The following SHPRH variants were observed in gnomAD, a reference collection of about 807,000 sequenced individuals.
SHPRH encodes the protein SNF2 histone linker PHD RING helicase.
A neutral mutation model predicts 202.5 loss-of-function variants in SHPRH; 106 were observed. The ratio of observed to expected loss-of-function variants is 0.52; its 90% CI spans 0.45 to 0.62. SHPRH has a LOEUF of 0.62. Ranked by LOEUF, SHPRH falls within the 20% of genes least tolerant of loss-of-function variation. SHPRH has a pLI of 0.00. For missense variants in SHPRH, 1,710 were observed against 2,020.0 expected (o/e 0.85, Z 2.94); for synonymous variants, 729 against 686.0 (o/e 1.06, Z -0.98).
intron 2 of SHPRH, chr6:145,878,058 G>C (rs1455918234): frequency 6.6e-6 from 1 of 152,160 alleles, no homozygotes. Context: ...ATTTGACTCA[G>C]AATAAATCTC....
intron 2 of SHPRH, among the ~76,000 whole-genome samples, chr6:145,868,972 G>T (rs1779929423): frequency 6.6e-6 from 1 of 152,134 alleles, no homozygotes; most frequent in Non-Finnish European, 1.5e-5. Context: ...ATAAGAAACT[G>T]CTAGACTGTC....
chr6:145,927,947 G>A (rs1041410173), intron 14 of SHPRH, among the ~76,000 whole-genome samples: 1 of 151,888 alleles, frequency 6.6e-6, no homozygotes, highest in Non-Finnish European at 1.5e-5. Context: ...TTAAAGCACA[G>A]TCTGGCAAAG....
At chr6:145,930,772 T>C (rs983656060) in intron 14 of SHPRH, among the ~76,000 whole-genome samples, 1 of 152,212 alleles carries the variant, frequency 6.6e-6, no homozygotes, top group African/African-American at 2.4e-5. Flanking sequence ...CCCTCACTTA[T>C]TTTTTACTTA....
At chr6:145,954,205 G>A (rs1035554474) in intron 2 of SHPRH, among the ~76,000 whole-genome samples, 1 of 151,962 alleles carries the variant, frequency 6.6e-6, no homozygotes, top group African/African-American at 2.4e-5. Context: ...GGTATATGGA[G>A]AAAATAAATC....
At chr6:145,915,255 C>T (rs1198077312) in intron 23 of SHPRH, among the ~76,000 whole-genome samples, 1 of 150,042 alleles carries the variant, frequency 6.7e-6, no homozygotes, top group Admixed American at 6.7e-5. Context: ...CTCTGCTTAC[C>T]TCTTTCCTTT....
intron 7 of SHPRH, among the ~76,000 whole-genome samples, chr6:145,945,899 TAAAAG>T (rs1402043357): frequency 1.3e-5 from 2 of 152,080 alleles, no homozygotes; most frequent in African/African-American, 4.8e-5. Flanking sequence ...TTCAAAATTA[TAAAAG>T]AAAACTCTCA....
Position 145,950,429 on chromosome 6 carries a change from T to C in SHPRH, c.817A>G (p.Ile273Val). The stretch of plus-strand genomic sequence containing the variant: ...TTCACAAAGTGATACAGCTCGTCAA[T>C]GTCTTGTCCCTCTGGCTCACTCTCC... ...DPESEPEGQD[I>V]DELYHFVKQT... The change falls in exon 4 of 30, where the codon ATT becomes GTT. Residue 273 changes from isoleucine (I) to valine (V), a missense_variant. Around this residue, in one of 8 missense-constraint regions of SHPRH, gnomAD observed 459 missense variants for 426.5 expected, o/e 1.08. Transcript: ENST00000275233. The C allele has an allele frequency of 6.2e-7, 1 of 1,613,268 alleles. No homozygotes were observed. The highest frequency in any genetic ancestry group is 8.5e-7 in the Non-Finnish European group (1 of 1,179,392).
downstream of SHPRH, among the ~76,000 whole-genome samples, chr6:145,860,953 C>T (rs1219512326): frequency 6.6e-6 from 1 of 151,824 alleles, no homozygotes; most frequent in Non-Finnish European, 1.5e-5. Context: ...ACATGTAAAG[C>T]ATGAAAGTGG....
At chr6:145,893,574 T>C (rs992979903) in intron 27 of SHPRH, among the ~76,000 whole-genome samples, 181 bp from the exon 28 acceptor site, 1 of 152,172 alleles carries the variant, frequency 6.6e-6, no homozygotes, top group Non-Finnish European at 1.5e-5. Flanking sequence ...ATTTTAATTA[T>C]GAAGAAAAGT....
At chr6:145,902,764 T>C (rs1391563463) in intron 25 of SHPRH, among the ~76,000 whole-genome samples, 3 of 152,128 alleles carry the variant, frequency 2.0e-5, no homozygotes, top group Non-Finnish European at 2.9e-5. Flanking sequence ...TATCCATCCA[T>C]GCATTCAAAT....
intron 2 of SHPRH, among the ~76,000 whole-genome samples, chr6:145,867,621 T>G (rs1231142209): frequency 1.5e-3 from 104 of 69,968 alleles, no homozygotes; most frequent in Non-Finnish European, 2.0e-3. Context: ...TATATATATA[T>G]ATATATATAT....
intron 11 of SHPRH, among the ~76,000 whole-genome samples, chr6:145,938,041 G>A (rs1786307687): frequency 6.6e-6 from 1 of 152,132 alleles, no homozygotes; most frequent in African/African-American, 2.4e-5. Flanking sequence ...CAATAGATAA[G>A]GGATCGTATG....
chr6:145,896,783 T>C (rs180850880), intron 25 of SHPRH, among the ~76,000 whole-genome samples: 8 of 152,188 alleles, frequency 5.3e-5, no homozygotes, highest in East Asian at 1.9e-4. Flanking sequence ...TTAAATAACA[T>C]GCTCTTGAAC....
At chr6:145,904,404 T>C (rs1782765220) in intron 25 of SHPRH, 1 of 152,138 alleles carries the variant, frequency 6.6e-6, no homozygotes, top group Non-Finnish European at 1.5e-5. Context: ...TTCTAAAATT[T>C]GAAAATAATG....
intron 8 of SHPRH, 74 bp downstream of exon 8, chr6:145,945,307 T>A: frequency 6.9e-7 from 1 of 1,444,606 alleles, no homozygotes; most frequent in Non-Finnish European, 9.2e-7. Flanking sequence ...AGTTTCAAGG[T>A]GGGATCTGTC....
intron 10 of SHPRH, 137 bp downstream of exon 10, chr6:145,941,477 AAGCACAAGT>A (rs1420861133): frequency 8.1e-7 from 1 of 1,239,186 alleles, no homozygotes; most frequent in Non-Finnish European, 1.1e-6. Context: ...CACAAGAGAA[AAGCACAAGT>A]AGTGTTTAAT....
At chr6:145,936,628 G>C (rs1338666111) in intron 11 of SHPRH, among the ~76,000 whole-genome samples, 1 of 151,872 alleles carries the variant, frequency 6.6e-6, no homozygotes, top group African/African-American at 2.4e-5. Context: ...TGTCCGGGTT[G>C]TAATTTTCTT....
At chr6:145,862,442 A>AC (rs71028373), downstream of SHPRH, among the ~76,000 whole-genome samples, 537 of 119,538 alleles carry the variant, frequency 4.5e-3, 3 homozygotes, top group Middle Eastern at 0.017. Flanking sequence ...ACAAAACAAA[A>AC]AAACAAAAAC....
At chr6:145,882,373 C>G (rs1265851227), downstream of SHPRH, among the ~76,000 whole-genome samples, 1 of 152,136 alleles carries the variant, frequency 6.6e-6, no homozygotes, top group Non-Finnish European at 1.5e-5. Flanking sequence ...AGAAAATGGT[C>G]AGTTGCAGAA....
Sources: gnomAD v4.1 joint callset for allele counts (sites outside exome capture counted in the v4.1 genomes callset) on GRCh38, gnomAD v4.1.1 for gene constraint, gnomAD v4.1.1 regional missense constraint, MANE v1.5 for transcripts, NCBI Gene and HGNC (gene_info 2026-07-23, HGNC 2026-07-21) for gene names.